The following GYS2 variants were observed in gnomAD, a reference collection of about 807,000 sequenced individuals.
The protein encoded by GYS2 is glycogen synthase 2.
In GYS2, 80 loss-of-function variants were observed where a neutral mutation model predicts 85.6. The observed-to-expected ratio is 0.93, with a 90% CI of 0.78 to 1.13. The LOEUF is 1.13. GYS2 is among the 50% of genes most tolerant of loss of function. The pLI, the probability that GYS2 is intolerant of heterozygous loss-of-function variation, is 0.00. For synonymous variants in GYS2, 328 were observed against 300.7 expected, an observed-to-expected ratio of 1.09 and a Z score of -0.94; for missense variants, 881 against 854.9, an observed-to-expected ratio of 1.03 and a Z score of -0.38.
chr12:21,571,020 T>C (rs1470731157), intron 4 of GYS2, among the ~76,000 whole-genome samples: 2 of 152,224 alleles, frequency 1.3e-5, no homozygotes, highest in African/African-American at 4.8e-5. Flanking sequence ...ATTATTATTA[T>C]TGTTGTAGAG....
intron 4 of GYS2, among the ~76,000 whole-genome samples, chr12:21,572,186 A>C (rs767343050): frequency 6.6e-6 from 1 of 152,208 alleles, no homozygotes; most frequent in African/African-American, 2.4e-5. Context: ...TAAATAATGA[A>C]TTTTACTAAA....
intron 1 of GYS2, among the ~76,000 whole-genome samples, chr12:21,582,612 TATAG>T (rs2136916345): frequency 6.6e-6 from 1 of 151,706 alleles, no homozygotes; most frequent in African/African-American, 2.4e-5. Flanking sequence ...TAGATATAGA[TATAG>T]ATATAGATAT....
intron 1 of GYS2, among the ~76,000 whole-genome samples, chr12:21,600,769 A>C (rs1288226959): frequency 1.3e-5 from 2 of 152,156 alleles, no homozygotes; most frequent in Non-Finnish European, 2.9e-5. Context: ...CTTATATCAA[A>C]GTCCTCACCT....
At chr12:21,575,459 C>T (rs1442899765) in intron 3 of GYS2, among the ~76,000 whole-genome samples, 1 of 152,102 alleles carries the variant, frequency 6.6e-6, no homozygotes, top group Non-Finnish European at 1.5e-5. Context: ...GGAGAGTAAA[C>T]TTAAAACAGT....
rs1944354643 is a variant in GYS2, at chr12:21,568,934, C to G, written c.754G>C (p.Ala252Pro). 4 of 1,612,514 alleles carry G rather than the reference C, an allele frequency of 2.5e-6. No homozygotes were observed. The South Asian group carries it at 3.3e-5, about 13-fold the overall frequency. ...TCAGAAACCGTGGTGAACACGTGAGCGCAATGAACGGAAGCTCGCTCCATG... is the reference window on the plus strand; with the variant it reads ...TCAGAAACCGTGGTGAACACGTGAGGGCAATGAACGGAAGCTCGCTCCATG... ...YCMERASVHC[A>P]HVFTTVSEIT... Residue 252 changes from alanine to proline, a missense_variant, in exon 5 of 16, where the codon GCT becomes CCT. Ala to Pro is a conservative substitution (Grantham distance 27). Coordinates refer to ENST00000261195, the MANE Select transcript of GYS2 (RefSeq NM_021957.4).
downstream of GYS2, among the ~76,000 whole-genome samples, chr12:21,533,561 C>T (rs1278845418): frequency 6.6e-6 from 1 of 152,030 alleles, no homozygotes; most frequent in African/African-American, 2.4e-5. Context: ...ATTTTATTGC[C>T]CTTAGTACTC....
intron 2 of GYS2, among the ~76,000 whole-genome samples, chr12:21,577,713 C>A (rs1381444064): frequency 1.3e-5 from 2 of 152,116 alleles, no homozygotes; most frequent in Non-Finnish European, 2.9e-5. Flanking sequence ...CACCACTACC[C>A]ACACAGCATC....
At chr12:21,580,832 T>A (rs552596582) in intron 1 of GYS2, among the ~76,000 whole-genome samples, 1 of 152,192 alleles carries the variant, frequency 6.6e-6, no homozygotes, top group South Asian at 2.1e-4. Context: ...TTGGAGTAAC[T>A]ACTTGCCTAA....
rs886445298 is a variant in GYS2, at chr12:21,536,548, A to C, written c.*406T>G. 5.2e-5 allele frequency: 12 copies of C among 230,928 alleles called. 1 individual carries two copies. In the East Asian group the frequency reaches 1.3e-3, roughly 25 times the overall value. 14.3% of individuals were successfully genotyped at this position (230,928 alleles called of 1,614,324 possible). On this transcript the variant is annotated 3_prime_UTR_variant, in exon 16 of 16. Coordinates refer to ENST00000261195, the MANE Select transcript of GYS2 (RefSeq NM_021957.4). ...TGTAGGTAGTGCACATTCATGGGTA[A>C]GATCAAGGTTTTCGGGGGGGAAATG...
intron 2 of GYS2, among the ~76,000 whole-genome samples, chr12:21,577,231 T>C (rs1245147194): frequency 1.3e-5 from 2 of 152,220 alleles, no homozygotes; most frequent in African/African-American, 4.8e-5. Context: ...ATAGTTTTTC[T>C]CCTTGGGAAA....
intron 12 of GYS2, among the ~76,000 whole-genome samples, chr12:21,543,436 A>T (rs534987607): frequency 2.5e-4 from 38 of 152,090 alleles, no homozygotes; most frequent in Admixed American, 5.2e-4. Flanking sequence ...AGCCCTTTTG[A>T]GAGTCTGATG....
At chr12:21,577,525 G>A (rs764863828) in intron 2 of GYS2, among the ~76,000 whole-genome samples, 2 of 152,134 alleles carry the variant, frequency 1.3e-5, no homozygotes, top group Non-Finnish European at 2.9e-5. Context: ...TCAAATGCAA[G>A]CCCTTTCTAA....
chr12:21,533,445 T>C (rs376302905), downstream of GYS2, among the ~76,000 whole-genome samples: 3 of 152,262 alleles, frequency 2.0e-5, no homozygotes, highest in Non-Finnish European at 4.4e-5. Flanking sequence ...AAGTTGGGAA[T>C]GTAACTTCAT....
At chr12:21,533,865 C>T (rs1438884448), downstream of GYS2, among the ~76,000 whole-genome samples, 2 of 152,278 alleles carry the variant, frequency 1.3e-5, no homozygotes, top group Non-Finnish European at 2.9e-5. Context: ...AGTTCAAGAT[C>T]AAGGTGTCAA....
chr12:21,568,190 A>C (rs1054817663), intron 5 of GYS2, among the ~76,000 whole-genome samples: 2 of 152,176 alleles, frequency 1.3e-5, no homozygotes, highest in Non-Finnish European at 2.9e-5. Flanking sequence ...CATCCAGTGC[A>C]ACAAAGTAGA....
At chr12:21,578,457 A>G (rs911218711) in intron 2 of GYS2, among the ~76,000 whole-genome samples, 3 of 152,218 alleles carry the variant, frequency 2.0e-5, no homozygotes, top group African/African-American at 4.8e-5. Flanking sequence ...CAGACTGCAG[A>G]CTGCTCCTGG....
At chr12:21,572,447 A>C (rs1356798970) in intron 4 of GYS2, among the ~76,000 whole-genome samples, 2 of 152,214 alleles carry the variant, frequency 1.3e-5, no homozygotes, top group Non-Finnish European at 2.9e-5. Flanking sequence ...TTTCATGTAT[A>C]TAATTTGGTA....
intron 1 of GYS2, among the ~76,000 whole-genome samples, chr12:21,584,941 TG>T (rs1351478197): frequency 6.6e-6 from 1 of 152,240 alleles, no homozygotes; most frequent in Non-Finnish European, 1.5e-5. Flanking sequence ...CCTATCATCC[TG>T]AAGCAGCTTT....
In GYS2 at chr12:21,580,457, T is replaced by C. The variant is rs1450570025; in HGVS notation, c.188A>G (p.Tyr63Cys). Reference sequence around the variant, plus strand: ...CTCAAAATATGGACCTATCAGAAAATAGTTCTCTCCCCATTCATCTGCTGT... The same window carrying C: ...CTCAAAATATGGACCTATCAGAAAACAGTTCTCTCCCCATTCATCTGCTGT... ...KTTADEWGEN[Y>C]FLIGPYFEHN... is the part of the protein sequence containing the mutation. The change falls in exon 2 of 16, where the codon TAT becomes TGT. Residue 63 changes from tyrosine (Y) to cysteine (C), a missense_variant. Physicochemically the swap from Tyr to Cys is radical, Grantham distance 194 (BLOSUM62 -2). Coordinates refer to ENST00000261195, the MANE Select transcript of GYS2 (RefSeq NM_021957.4). 2.5e-6 allele frequency: 4 copies of C among 1,613,504 alleles called. No individual in the cohort carries two copies. Among genetic ancestry groups the C allele is most frequent in the East Asian group, 2.2e-5 (1 of 44,878 alleles).
Sources: gnomAD v4.1 joint callset for allele counts (sites outside exome capture counted in the v4.1 genomes callset) on GRCh38, gnomAD v4.1.1 for gene constraint, MANE v1.5 for transcripts, NCBI Gene and HGNC (gene_info 2026-07-23, HGNC 2026-07-21) for gene names.